PACRG: variants seen among roughly 807,000 people sequenced by gnomAD.
PACRG encodes the protein parkin coregulated gene protein.
Under a neutral mutation model 29.7 loss-of-function variants are expected in PACRG, and 29 were observed. The ratio of observed to expected loss-of-function variants is 0.98; its 90% CI spans 0.73 to 1.33. PACRG has a LOEUF of 1.33. Ranked by LOEUF, PACRG falls within the 40% of genes most tolerant of loss-of-function variation. PACRG has a pLI of 0.00. For missense variants in PACRG, 279 were observed against 316.2 expected (o/e 0.88, Z 0.89); for synonymous variants, 116 against 118.7 (o/e 0.98, Z 0.15).
At chr6:162,743,781 G>A (rs1433333492) in intron 1 of PACRG, among the ~76,000 whole-genome samples, 3 of 152,004 alleles carry the variant, frequency 2.0e-5, no homozygotes, top group African/African-American at 4.8e-5. Context: ...TATTCTCAGA[G>A]TTGCACGTAT....
chr6:162,927,019 G>T (rs773204439), intron 2 of PACRG, among the ~76,000 whole-genome samples: 1 of 152,098 alleles, frequency 6.6e-6, no homozygotes, highest in Non-Finnish European at 1.5e-5. Flanking sequence ...CTTCTCAAAA[G>T]AAGATGTTTA....
At chr6:162,858,961 C>A (rs763631465) in intron 2 of PACRG, among the ~76,000 whole-genome samples, 20 of 152,236 alleles carry the variant, frequency 1.3e-4, no homozygotes, top group Non-Finnish European at 2.4e-4. Flanking sequence ...TCACAGAGAC[C>A]CTCCTGCTTC....
intron 1 of PACRG, among the ~76,000 whole-genome samples, chr6:162,737,067 G>A (rs541332260): frequency 6.5e-4 from 99 of 152,176 alleles, no homozygotes; most frequent in Middle Eastern, 6.8e-3. Context: ...TAGATGTACT[G>A]GGTCAGAGAG....
intron 4 of PACRG, among the ~76,000 whole-genome samples, chr6:163,186,414 C>T (rs1161087337): frequency 6.6e-6 from 1 of 151,864 alleles, no homozygotes; most frequent in African/African-American, 2.4e-5. Flanking sequence ...GACACAGACA[C>T]ACACACACAC....
At chr6:162,977,114 A>T (rs755918224) in intron 2 of PACRG, among the ~76,000 whole-genome samples, 1 of 152,036 alleles carries the variant, frequency 6.6e-6, no homozygotes, top group South Asian at 2.1e-4. Flanking sequence ...TTATATAAAT[A>T]TTTAAAATTT....
At chr6:162,939,210 A>G (rs1276911385) in intron 2 of PACRG, among the ~76,000 whole-genome samples, 2 of 152,194 alleles carry the variant, frequency 1.3e-5, no homozygotes, top group Non-Finnish European at 2.9e-5. Flanking sequence ...CATGTAGTAG[A>G]ATGAAACTGG....
chr6:163,157,197 C>T (rs1778360704), intron 4 of PACRG, among the ~76,000 whole-genome samples: 1 of 152,224 alleles, frequency 6.6e-6, no homozygotes, highest in Non-Finnish European at 1.5e-5. Flanking sequence ...TCTCCATCCT[C>T]CGTCCCGCGT....
intron 2 of PACRG, among the ~76,000 whole-genome samples, chr6:162,851,025 G>A (rs1462775474): frequency 1.3e-5 from 2 of 152,196 alleles, no homozygotes; most frequent in African/African-American, 2.4e-5. Context: ...GCCTATTGGT[G>A]GGGAAATCCC....
chr6:162,927,918 G>A (rs1797569987), intron 2 of PACRG, among the ~76,000 whole-genome samples: 1 of 151,980 alleles, frequency 6.6e-6, no homozygotes, highest in African/African-American at 2.4e-5. Context: ...AATTTGATTT[G>A]CCAGTATTTT....
At chr6:163,140,128 C>T (rs1034604915) in intron 4 of PACRG, among the ~76,000 whole-genome samples, 6 of 152,182 alleles carry the variant, frequency 3.9e-5, no homozygotes, top group African/African-American at 1.4e-4. Flanking sequence ...TACACGTAGA[C>T]CAAGCTGCAT....
At chr6:163,264,232 T>A (rs1027783071) in intron 4 of PACRG, among the ~76,000 whole-genome samples, 25 of 152,292 alleles carry the variant, frequency 1.6e-4, no homozygotes, top group African/African-American at 5.5e-4. Flanking sequence ...AAGCTCTCCT[T>A]CCCTGGATTT....
intron 2 of PACRG, among the ~76,000 whole-genome samples, chr6:162,819,733 C>T (rs542620522): frequency 2.1e-4 from 32 of 152,274 alleles, no homozygotes; most frequent in African/African-American, 7.5e-4. Flanking sequence ...ATTTCTCTTG[C>T]TTCGTAGGCC....
At chr6:163,155,113 C>T (rs538503289) in intron 4 of PACRG, among the ~76,000 whole-genome samples, 35 of 152,222 alleles carry the variant, frequency 2.3e-4, no homozygotes, top group Non-Finnish European at 3.8e-4. Flanking sequence ...CTATACAAAA[C>T]TCTCAAATCA....
chr6:163,308,420 C>T (rs1785273020), intron 4 of PACRG, among the ~76,000 whole-genome samples: 1 of 152,182 alleles, frequency 6.6e-6, no homozygotes, highest in Non-Finnish European at 1.5e-5. Flanking sequence ...GATCCCAGCA[C>T]TTTGGGAGGC....
intron 1 of PACRG, among the ~76,000 whole-genome samples, chr6:162,807,750 C>A (rs887344525): frequency 6.6e-5 from 10 of 152,012 alleles, no homozygotes; most frequent in African/African-American, 2.4e-4. Flanking sequence ...ATGAAGTGAG[C>A]CGATGCTGTT....
intron 2 of PACRG, among the ~76,000 whole-genome samples, chr6:162,835,073 C>G (rs966431573): frequency 1.3e-4 from 20 of 152,028 alleles, no homozygotes; most frequent in African/African-American, 4.6e-4. Context: ...TACTCTTTTT[C>G]ATTTTCCCAT....
At chr6:163,165,785 AAC>A (rs1778775012) in intron 4 of PACRG, 1 of 235,962 alleles carries the variant, frequency 4.2e-6, no homozygotes, top group Admixed American at 5.4e-5. Flanking sequence ...TGGGAGGAGA[AAC>A]ATCACTCAGA....
chr6:163,101,071 G>A (rs577381019), intron 4 of PACRG: 26 of 981,810 alleles, frequency 2.6e-5, no homozygotes, highest in Middle Eastern at 5.2e-4. Flanking sequence ...TTTTGAGGCG[G>A]TCATACAATG....
intron 1 of PACRG, among the ~76,000 whole-genome samples, chr6:162,789,685 A>G (rs150052990): frequency 0.012 from 1,899 of 152,238 alleles, 35 homozygotes; most frequent in African/African-American, 0.043. Context: ...TTATCTTTCA[A>G]TATATTATCA....
Sources: allele counts gnomAD v4.1 joint callset (sites outside exome capture counted in the v4.1 genomes callset), GRCh38; gene constraint gnomAD v4.1.1; transcripts MANE v1.5; gene names NCBI Gene and HGNC (gene_info 2026-07-23, HGNC 2026-07-21).